Variants in PTPRK observed in about 807,000 individuals in gnomAD.
PTPRK encodes the protein receptor-type tyrosine-protein phosphatase kappa.
A neutral mutation model predicts 178.0 loss-of-function variants in PTPRK; 75 were observed. That is an observed-to-expected ratio of 0.42 (90% CI 0.35 to 0.51). The LOEUF is 0.51. Ranked by LOEUF, PTPRK falls within the 20% of genes least tolerant of loss-of-function variation. PTPRK has a pLI of 0.02. For synonymous variants in PTPRK, 637 were observed against 620.6 expected, an observed-to-expected ratio of 1.03 and a Z score of -0.39; for missense variants, 1,441 against 1,797.8, an observed-to-expected ratio of 0.80 and a Z score of 3.59.
intron 3 of PTPRK, chr6:128,321,437 T>C (rs1485699522): frequency 8.7e-6 from 2 of 230,676 alleles, no homozygotes; most frequent in Non-Finnish European, 1.7e-5. Context: ...TTAATCATAA[T>C]TCAATGAATC....
intron 1 of PTPRK, among the ~76,000 whole-genome samples, chr6:128,452,841 C>T (rs1189884308): frequency 3.3e-5 from 5 of 152,040 alleles, no homozygotes; most frequent in Non-Finnish European, 5.9e-5. Context: ...AATTGGCTTC[C>T]GGAGATGGCT....
At chr6:128,345,068 A>C (rs1249822388) in intron 2 of PTPRK, among the ~76,000 whole-genome samples, 1 of 150,226 alleles carries the variant, frequency 6.7e-6, no homozygotes, top group African/African-American at 2.5e-5. Context: ...GATGCACAAA[A>C]ATCAGAGTAA....
intron 1 of PTPRK, among the ~76,000 whole-genome samples, chr6:128,504,735 T>C (rs370635186): frequency 9.2e-5 from 14 of 152,280 alleles, no homozygotes; most frequent in African/African-American, 2.4e-4. Context: ...CTAGTGCAAA[T>C]AGATTGAAAG....
At chr6:128,208,096 C>A (rs114519291) in intron 6 of PTPRK, among the ~76,000 whole-genome samples, 3,871 of 151,994 alleles carry the variant, frequency 0.025, 103 homozygotes, top group African/African-American at 0.07. Flanking sequence ...CATGCATCAA[C>A]CAGTCTGATC....
chr6:128,423,786 C>T (rs920599506), intron 1 of PTPRK, among the ~76,000 whole-genome samples: 3 of 151,388 alleles, frequency 2.0e-5, no homozygotes, highest in Non-Finnish European at 2.9e-5. Context: ...CAAGATCACG[C>T]CACTGCACTC....
chr6:128,367,241 T>G (rs1001686260), intron 2 of PTPRK, among the ~76,000 whole-genome samples: 5 of 152,116 alleles, frequency 3.3e-5, no homozygotes, highest in South Asian at 2.1e-4. Flanking sequence ...GCATGCTGGT[T>G]TTCCAACACT....
chr6:128,080,611 A>G (rs889496633), intron 10 of PTPRK, among the ~76,000 whole-genome samples: 1 of 152,068 alleles, frequency 6.6e-6, no homozygotes, highest in East Asian at 1.9e-4. Context: ...GTATGTGTGT[A>G]TATGTGTGTA....
chr6:128,457,083 G>A (rs1234088765), intron 1 of PTPRK, among the ~76,000 whole-genome samples: 1 of 152,126 alleles, frequency 6.6e-6, no homozygotes, highest in Non-Finnish European at 1.5e-5. Flanking sequence ...CATTATGACT[G>A]TACCATAGGA....
chr6:128,019,485 T>C (rs966771950), intron 13 of PTPRK, among the ~76,000 whole-genome samples: 4 of 150,634 alleles, frequency 2.7e-5, no homozygotes, highest in South Asian at 2.1e-4. Context: ...CTTAAATGGA[T>C]AGACAAATGA....
intron 7 of PTPRK, among the ~76,000 whole-genome samples, chr6:128,130,072 T>C (rs1421192940): frequency 6.6e-6 from 1 of 152,172 alleles, no homozygotes; most frequent in Non-Finnish European, 1.5e-5. Flanking sequence ...TGATATGGTA[T>C]ATTTTCTCTA....
chr6:127,969,964 A>G lies in PTPRK; in HGVS notation c.*263T>C. ...GCATGTTCACTGTACAAACACCAAT[A>G]CGTTCTCATTTCAATCTGGTTCTTA... On this transcript the variant is annotated 3_prime_UTR_variant, in exon 30 of 30. Coordinates refer to ENST00000368226, the MANE Select transcript of PTPRK (RefSeq NM_002844.4). 2.9e-6 allele frequency: 1 copy of G among 346,292 alleles called. No homozygotes were observed. The highest frequency in any genetic ancestry group is 4.7e-5 in the Admixed American group (1 of 21,066). 21.5% of individuals were successfully genotyped at this position (346,292 alleles called of 1,614,324 possible).
In PTPRK at chr6:128,338,873, G is replaced by A. The variant is rs574827048; in HGVS notation, c.224-16563C>T. Reference sequence around the variant, plus strand: ...TTCACCAAATATAGGAAAAACTGCCGTAAACAAAAACAAATACTATCTAAA... The same window carrying A: ...TTCACCAAATATAGGAAAAACTGCCATAAACAAAAACAAATACTATCTAAA... On this transcript the variant is annotated intron_variant, in intron 2 of 29. Transcript: ENST00000368226. 2.2e-3 allele frequency among the ~76,000 whole-genome samples: 24 copies of A among 11,030 alleles called. 1 individual carries two copies. In the South Asian group the frequency reaches 0.11, roughly 49 times the overall value. The allele number at this position is 11,030 out of a possible 152,430, so 7.2% of individuals were successfully genotyped here.
chr6:127,997,562 T>C (rs1246880300), intron 16 of PTPRK, among the ~76,000 whole-genome samples: 4 of 152,120 alleles, frequency 2.6e-5, no homozygotes, highest in Non-Finnish European at 5.9e-5. Flanking sequence ...TTGACTAGTT[T>C]AATTACTATA....
chr6:128,197,074 G>A (rs980058596), intron 6 of PTPRK, among the ~76,000 whole-genome samples: 1 of 151,950 alleles, frequency 6.6e-6, no homozygotes, highest in African/African-American at 2.4e-5. Flanking sequence ...TTTGTAAAAT[G>A]ATGCACTAAT....
At chr6:128,074,683 T>C (rs1783457084) in intron 11 of PTPRK, among the ~76,000 whole-genome samples, 1 of 151,994 alleles carries the variant, frequency 6.6e-6, no homozygotes, top group Admixed American at 6.6e-5. Context: ...AAATCAAAAA[T>C]TAATTTCGTC....
At chr6:128,292,646 T>G (rs1469489135) in intron 3 of PTPRK, among the ~76,000 whole-genome samples, 2 of 152,074 alleles carry the variant, frequency 1.3e-5, no homozygotes, top group East Asian at 1.9e-4. Flanking sequence ...CCTCCTCTTT[T>G]CCTAAAAATA....
At chr6:128,144,523 C>T (rs72983958) in intron 7 of PTPRK, among the ~76,000 whole-genome samples, 112 of 152,262 alleles carry the variant, frequency 7.4e-4, no homozygotes, top group Non-Finnish European at 1.5e-3. Flanking sequence ...CTTCAGTAAT[C>T]ACCTCAGAGA....
intron 1 of PTPRK, among the ~76,000 whole-genome samples, chr6:128,426,632 T>G (rs1485694349): frequency 6.6e-6 from 1 of 152,236 alleles, no homozygotes; most frequent in African/African-American, 2.4e-5. Flanking sequence ...GAACAAGATG[T>G]AACATTTTCA....
chr6:128,006,075 C>T (rs1778379769), intron 14 of PTPRK: 1 of 1,552,904 alleles, frequency 6.4e-7, no homozygotes, highest in Non-Finnish European at 8.8e-7. Context: ...AAATCACAGA[C>T]AGTGGAAAAA....
Sources: allele counts gnomAD v4.1 joint callset (sites outside exome capture counted in the v4.1 genomes callset), GRCh38; gene constraint gnomAD v4.1.1; transcripts MANE v1.5; gene names NCBI Gene and HGNC (gene_info 2026-07-23, HGNC 2026-07-21).